DLG2: variants seen among roughly 807,000 people sequenced by gnomAD.
The protein encoded by DLG2 is disks large homolog 2.
In DLG2, 45 loss-of-function variants were observed where a neutral mutation model predicts 132.5. The ratio of observed to expected loss-of-function variants is 0.34; its 90% CI spans 0.27 to 0.44. DLG2 has a LOEUF of 0.44. DLG2 is among the 20% of genes least tolerant of loss of function. DLG2 has a pLI of 1.00. For missense variants in DLG2, 1,045 were observed against 1,196.9 expected (o/e 0.87, Z 1.87); for synonymous variants, 424 against 419.6 (o/e 1.01, Z -0.13).
intron 18 of DLG2, among the ~76,000 whole-genome samples, chr11:83,633,582 G>C (rs2063962348): frequency 6.6e-6 from 1 of 152,004 alleles, no homozygotes; most frequent in Admixed American, 6.6e-5. Context: ...AAAGTCCATG[G>C]GGGCTGGGAG....
intron 6 of DLG2, among the ~76,000 whole-genome samples, chr11:84,964,391 A>G (rs572743827): frequency 2.0e-5 from 3 of 152,246 alleles, no homozygotes; most frequent in South Asian, 4.1e-4. Flanking sequence ...CACTACTCAT[A>G]AACAATATTA....
chr11:83,872,889 C>A (rs1301426696), intron 16 of DLG2, among the ~76,000 whole-genome samples: 1 of 152,138 alleles, frequency 6.6e-6, no homozygotes, highest in Non-Finnish European at 1.5e-5. Context: ...CACACCCTTA[C>A]CTCTACTGCA....
chr11:83,688,561 C>T (rs1303365419), intron 18 of DLG2, among the ~76,000 whole-genome samples: 1 of 152,124 alleles, frequency 6.6e-6, no homozygotes, highest in Non-Finnish European at 1.5e-5. Flanking sequence ...ATTGAACATT[C>T]AGTGATCCCC....
chr11:83,467,764 A>AGT lies in DLG2; in HGVS notation c.2620-948_2620-947insAC, dbSNP rs1565337995. Among the ~76,000 whole-genome samples the AGT allele has an allele frequency of 1.8e-3, 141 of 77,892 alleles. 4 individuals are homozygous for AGT. Among genetic ancestry groups the AGT allele is most frequent in the African/African-American group, 7.1e-3 (135 of 19,102 alleles). The allele number at this position is 77,892 out of a possible 152,430, so 51.1% of individuals were successfully genotyped here. A position where few individuals can be genotyped will look rare whatever the true frequency, so the allele number is the denominator to read the frequency against. On this transcript the variant is annotated intron_variant, in intron 25 of 27. Coordinates refer to ENST00000376104, the MANE Select transcript of DLG2 (RefSeq NM_001142699.3). ...AAATGCCATCTCAAAAAAAATAAAA[A>AGT]CTATATGTATATATATATATATATA...
At chr11:84,316,876 C>T in intron 7 of DLG2, 1 of 1,612,844 alleles carries the variant, frequency 6.2e-7, no homozygotes, top group South Asian at 1.1e-5. Flanking sequence ...CCCCACAAGT[C>T]CCTTTGCCCT....
At chr11:84,637,072 G>A (rs984822560) in intron 6 of DLG2, among the ~76,000 whole-genome samples, 2 of 152,034 alleles carry the variant, frequency 1.3e-5, no homozygotes, top group Admixed American at 6.6e-5. Flanking sequence ...ATAGGTGTGA[G>A]CCACTGTGCC....
At chr11:84,343,317 T>A (rs1201639676) in intron 7 of DLG2, among the ~76,000 whole-genome samples, 1 of 152,228 alleles carries the variant, frequency 6.6e-6, no homozygotes, top group Non-Finnish European at 1.5e-5. Flanking sequence ...TATAATTAGA[T>A]ATTACAAAGT....
intron 6 of DLG2, among the ~76,000 whole-genome samples, chr11:84,959,900 A>G (rs2052297212): frequency 6.6e-6 from 1 of 152,176 alleles, no homozygotes; most frequent in Non-Finnish European, 1.5e-5. Context: ...GGAAAAAAAA[A>G]CTGGTTAAGT....
At chr11:85,140,275 C>A (rs964412376) in intron 5 of DLG2, among the ~76,000 whole-genome samples, 3 of 151,958 alleles carry the variant, frequency 2.0e-5, no homozygotes, top group Admixed American at 6.6e-5. Context: ...TCCATTCCCA[C>A]CAACAGTGTA....
chr11:85,272,823 T>C (rs1295729324), intron 4 of DLG2, among the ~76,000 whole-genome samples: 1 of 151,868 alleles, frequency 6.6e-6, no homozygotes, highest in Admixed American at 6.6e-5. Context: ...AGAACAAAGT[T>C]GGAGGCATCA....
At chr11:84,638,364 T>C (rs1461796445) in intron 6 of DLG2, among the ~76,000 whole-genome samples, 2 of 152,192 alleles carry the variant, frequency 1.3e-5, no homozygotes, top group African/African-American at 2.4e-5. Context: ...GATATCAGCA[T>C]TTAGTGTGGG....
At chr11:84,350,172 C>T (rs1483642004) in intron 7 of DLG2, among the ~76,000 whole-genome samples, 7 of 137,676 alleles carry the variant, frequency 5.1e-5, no homozygotes, top group African/African-American at 1.6e-4. Flanking sequence ...AGAGAGACTT[C>T]GTCCCCCCCC....
At chr11:83,932,946 A>G (rs1213071174) in intron 14 of DLG2, among the ~76,000 whole-genome samples, 3 of 152,170 alleles carry the variant, frequency 2.0e-5, no homozygotes, top group African/African-American at 7.2e-5. Context: ...GAGTTTAGCC[A>G]CTGAAATGCC....
At chr11:83,710,610 T>G (rs193043779) in intron 18 of DLG2, among the ~76,000 whole-genome samples, 5 of 152,306 alleles carry the variant, frequency 3.3e-5, no homozygotes, top group Admixed American at 3.3e-4. Flanking sequence ...TTAACAACAA[T>G]ATATAGTTCA....
intron 6 of DLG2, among the ~76,000 whole-genome samples, chr11:84,881,921 C>T (rs1411261652): frequency 1.3e-5 from 2 of 152,082 alleles, no homozygotes; most frequent in African/African-American, 2.4e-5. Context: ...TTCAAAAACT[C>T]AGCACATATT....
intron 15 of DLG2, among the ~76,000 whole-genome samples, chr11:83,902,711 C>A (rs2073801411): frequency 6.6e-6 from 1 of 152,048 alleles, no homozygotes; most frequent in East Asian, 1.9e-4. Context: ...AGAAATGCAT[C>A]CCAAGGGAAC....
At chr11:84,882,215 C>T (rs1240920402) in intron 6 of DLG2, among the ~76,000 whole-genome samples, 2 of 151,950 alleles carry the variant, frequency 1.3e-5, no homozygotes, top group Non-Finnish European at 2.9e-5. Flanking sequence ...ACCAAACTTT[C>T]TGAAGGAAAT....
intron 3 of DLG2, among the ~76,000 whole-genome samples, chr11:85,430,687 G>T (rs1384664617): frequency 6.6e-6 from 1 of 152,110 alleles, no homozygotes; most frequent in Non-Finnish European, 1.5e-5. Context: ...AAACAGGACA[G>T]GGTTTATGTT....
intron 7 of DLG2, among the ~76,000 whole-genome samples, chr11:84,404,731 T>C (rs1601548051): frequency 6.6e-6 from 1 of 152,098 alleles, no homozygotes; most frequent in Admixed American, 6.5e-5. Context: ...ATAATTAATA[T>C]GTGCAAAGGA....
Sources: allele counts gnomAD v4.1 joint callset (sites outside exome capture counted in the v4.1 genomes callset), GRCh38; gene constraint gnomAD v4.1.1; transcripts MANE v1.5; gene names NCBI Gene and HGNC (gene_info 2026-07-23, HGNC 2026-07-21).